Variants in TECTB observed in about 807,000 individuals in gnomAD.
The protein encoded by TECTB is beta-tectorin.
Under a neutral mutation model 43.3 loss-of-function variants are expected in TECTB, and 45 were observed. That is an observed-to-expected ratio of 1.04 (90% CI 0.82 to 1.33). TECTB has a LOEUF of 1.33. Among genes scored for constraint, TECTB ranks in the 40% most tolerant of loss-of-function variants. The probability of loss-of-function intolerance (pLI) is 0.00; values close to 1 mark genes in which losing one functional copy is unlikely to be tolerated. For missense variants in TECTB, 399 were observed against 404.7 expected, an observed-to-expected ratio of 0.99 and a Z score of 0.12; for synonymous variants, 169 against 156.7, an observed-to-expected ratio of 1.08 and a Z score of -0.59.
intron 5 of TECTB, among the ~76,000 whole-genome samples, chr10:112,291,466 C>T (rs541353239): frequency 1.4e-3 from 220 of 152,302 alleles, no homozygotes; most frequent in African/African-American, 5.2e-3. Flanking sequence ...ACACTATTCA[C>T]AATAGCAAAG....
At chr10:112,300,143 C>T (rs1456463063) in intron 9 of TECTB, among the ~76,000 whole-genome samples, 1 of 115,242 alleles carries the variant, frequency 8.7e-6, no homozygotes, top group African/African-American at 3.4e-5. Context: ...GCCTGGGCAA[C>T]AAGAGCGAAA....
intron 5 of TECTB, 118 bp from the exon 6 acceptor site, chr10:112,293,620 C>T: frequency 1.2e-6 from 1 of 833,130 alleles, no homozygotes; most frequent in Non-Finnish European, 2.0e-6. Context: ...TATGGTCTCA[C>T]CTGCTTATGT....
chr10:112,291,156 AC>A (rs1362883826), intron 5 of TECTB, among the ~76,000 whole-genome samples: 1 of 134,500 alleles, frequency 7.4e-6, no homozygotes, highest in Non-Finnish European at 1.6e-5. Context: ...TCCCTCCCCC[AC>A]CCCACCCACC....
rs1848450487 is a variant in TECTB at position 112,286,010 on chromosome 10, G to A, written c.268-61G>A. ...GAGCCATCTTCTTGCACTTTTCCCA[G>A]AACCCTCATTCCCATCGCGGGGAAA... On this transcript the variant is annotated intron_variant, in intron 3 of 10. Transcript: ENST00000646139. 6.9e-6 allele frequency: 11 copies of A among 1,599,340 alleles called. No individual in the cohort carries two copies. In the South Asian group the frequency reaches 1.2e-4, roughly 18 times the overall value.
chr10:112,294,942 A>T (rs1451240777), intron 7 of TECTB, among the ~76,000 whole-genome samples: 4 of 152,160 alleles, frequency 2.6e-5, no homozygotes, highest in Non-Finnish European at 5.9e-5. Flanking sequence ...GCTGAGGAAG[A>T]GTGTCTGGAT....
rs1389384128 is a variant in TECTB, at chr10:112,303,914, C to G, written c.*602C>G. ...AATAGATTCTTGAAAGCCCCTAGTA[C>G]TGACCTAATTTGTTTTTATTATACC... On this transcript the variant is annotated 3_prime_UTR_variant, in exon 11 of 11. Coordinates refer to ENST00000646139, the MANE Select transcript of TECTB (RefSeq NM_058222.3). 2 of 152,318 alleles carry G rather than the reference C, an allele frequency of 1.3e-5. No individual in the cohort carries two copies. The highest frequency in any genetic ancestry group is 2.9e-5 in the Non-Finnish European group (2 of 68,138). 9.4% of individuals were successfully genotyped at this position (152,318 alleles called of 1,614,324 possible). A position where few individuals can be genotyped will look rare whatever the true frequency, so the allele number is the denominator to read the frequency against.
intron 3 of TECTB, among the ~76,000 whole-genome samples, chr10:112,285,479 G>A (rs1305089414): frequency 6.6e-6 from 1 of 152,206 alleles, no homozygotes; most frequent in African/African-American, 2.4e-5. Context: ...GAAGAGTCAT[G>A]AGCATGATTA....
chr10:112,296,207 A>C (rs1170909204), intron 7 of TECTB, among the ~76,000 whole-genome samples: 1 of 152,130 alleles, frequency 6.6e-6, no homozygotes, highest in South Asian at 2.1e-4. Context: ...GAGAGATGGC[A>C]GGAGATATAT....
chr10:112,285,516 C>A (rs934257908), intron 3 of TECTB, among the ~76,000 whole-genome samples: 1 of 152,180 alleles, frequency 6.6e-6, no homozygotes, highest in Non-Finnish European at 1.5e-5. Flanking sequence ...TTGAGTATAT[C>A]CTGGTGAACT....
intron 9 of TECTB, among the ~76,000 whole-genome samples, chr10:112,300,587 T>G (rs1848602875): frequency 1.3e-5 from 2 of 152,188 alleles, no homozygotes; most frequent in South Asian, 4.1e-4. Context: ...GTGCCATGGT[T>G]GCACAGTTGA....
intron 5 of TECTB, among the ~76,000 whole-genome samples, chr10:112,286,625 A>G (rs1041522018): frequency 6.6e-6 from 1 of 152,224 alleles, no homozygotes; most frequent in Non-Finnish European, 1.5e-5. Flanking sequence ...ATAAGCTATA[A>G]TACCAACCTT....
In TECTB at chr10:112,303,276, C is replaced by A. The variant is rs1848627593; in HGVS notation, c.954C>A (p.His318Gln). 1 of 1,614,056 alleles carries A rather than the reference C, an allele frequency of 6.2e-7. No homozygotes were observed. Among genetic ancestry groups the A allele is most frequent in the African/African-American group, 1.3e-5 (1 of 74,930 alleles). ...SLYSFSDVLH[H>Q]LIMMLGICAV... The stretch of plus-strand genomic sequence containing the variant: ...TCTGGTCCACAGATGTTCTCCACCA[C>A]CTCATCATGATGTTGGGGATTTGTG... The change falls in exon 11 of 11, where the codon CAC becomes CAA. Residue 318 changes from histidine (H) to glutamine (Q), a missense_variant. By Grantham distance (24) the His-to-Gln change is conservative (BLOSUM62 0). Coordinates refer to ENST00000646139, the MANE Select transcript of TECTB (RefSeq NM_058222.3).
intron 5 of TECTB, 145 bp downstream of exon 5, chr10:112,286,536 G>T: frequency 1.1e-6 from 1 of 877,102 alleles, no homozygotes. Context: ...CTTTGGTTTA[G>T]CTTTAAACCT....
intron 9 of TECTB, among the ~76,000 whole-genome samples, chr10:112,300,191 GAAGA>G (rs1176529206): frequency 7.4e-6 from 1 of 134,882 alleles, no homozygotes; most frequent in Non-Finnish European, 1.6e-5. Flanking sequence ...GAAAGAAAAA[GAAGA>G]AAGAAAGAGA....
chr10:112,301,648 T>G (rs900555197), intron 9 of TECTB, among the ~76,000 whole-genome samples: 1 of 152,184 alleles, frequency 6.6e-6, no homozygotes, highest in Non-Finnish European at 1.5e-5. Flanking sequence ...GAGATGAAAC[T>G]TTGTAAACCC....
At position 112,284,522 on chromosome 10, in the gene TECTB, G is replaced by T. The variant is rs1021861297; in HGVS notation, c.77-13G>T. On this transcript the variant is annotated splice_polypyrimidine_tract_variant and intron_variant, in intron 2 of 10. Coordinates refer to ENST00000646139, the MANE Select transcript of TECTB (RefSeq NM_058222.3). The stretch of plus-strand genomic sequence containing the variant: ...CCCTAACTGATTTTAAACTATATGT[G>T]TGCTCTTTCCAGATGTCATTCTTGT... 6.3e-7 allele frequency: 1 copy of T among 1,592,738 alleles called. No homozygotes were observed. The highest frequency in any genetic ancestry group is 1.7e-5 in the Admixed American group (1 of 58,550).
In TECTB at chr10:112,303,359, C is replaced by A. The variant is rs546264138; in HGVS notation, c.*47C>A. On this transcript the variant is annotated 3_prime_UTR_variant, in exon 11 of 11. Coordinates refer to ENST00000646139, the MANE Select transcript of TECTB (RefSeq NM_058222.3). ...CTCCTCCACCCACAATAGTCCTCAG[C>A]GAATGACAAACACATTTATTGTGCT... 1 of 1,606,896 alleles carries A rather than the reference C, an allele frequency of 6.2e-7. No individual in the cohort carries two copies. Among genetic ancestry groups the A allele is most frequent in the Non-Finnish European group, 8.5e-7 (1 of 1,173,668 alleles).
chr10:112,301,573 A>G (rs1477020207), intron 9 of TECTB, among the ~76,000 whole-genome samples: 2 of 152,108 alleles, frequency 1.3e-5, no homozygotes, highest in Non-Finnish European at 2.9e-5. Context: ...AGCTGACAAA[A>G]TGTACTATTT....
chr10:112,287,079 C>T (rs1232063452), intron 5 of TECTB, among the ~76,000 whole-genome samples: 1 of 152,220 alleles, frequency 6.6e-6, no homozygotes, highest in African/African-American at 2.4e-5. Flanking sequence ...CAACCCCCTC[C>T]AGAGATTTAT....
Sources: allele counts gnomAD v4.1 joint callset (sites outside exome capture counted in the v4.1 genomes callset), GRCh38; gene constraint gnomAD v4.1.1; transcripts MANE v1.5; gene names NCBI Gene and HGNC (gene_info 2026-07-23, HGNC 2026-07-21).